SLC39A11: variants seen among roughly 807,000 people sequenced by gnomAD.
SLC39A11 encodes solute carrier family 39 member 11.
A neutral mutation model predicts 36.1 loss-of-function variants in SLC39A11; 33 were observed. The ratio of observed to expected loss-of-function variants is 0.91; its 90% CI spans 0.69 to 1.22. The LOEUF is 1.22. SLC39A11 is among the 50% of genes most tolerant of loss of function. SLC39A11 has a pLI of 0.00. For missense variants in SLC39A11, 432 were observed against 430.3 expected (o/e 1.00, Z -0.03); for synonymous variants, 166 against 170.3 (o/e 0.97, Z 0.20).
intron 5 of SLC39A11, among the ~76,000 whole-genome samples, chr17:72,890,284 C>CA (rs11335169): frequency 0.043 from 6,055 of 140,904 alleles, 170 homozygotes; most frequent in Non-Finnish European, 0.063. Context: ...ACAACAACAA[C>CA]AAAAAAAAAA....
At chr17:72,696,200 G>A (rs1416538735) in intron 7 of SLC39A11, among the ~76,000 whole-genome samples, 3 of 152,096 alleles carry the variant, frequency 2.0e-5, no homozygotes, top group Admixed American at 1.3e-4. Flanking sequence ...GAAGGCAGGA[G>A]TTGGCATTTC....
At chr17:72,911,622 CT>C (rs1421134180) in intron 5 of SLC39A11, among the ~76,000 whole-genome samples, 1 of 152,036 alleles carries the variant, frequency 6.6e-6, no homozygotes, top group East Asian at 1.9e-4. Flanking sequence ...GATTCTGATT[CT>C]TCTGTGAAGA....
chr17:72,842,809 G>C (rs1448371098), intron 6 of SLC39A11, among the ~76,000 whole-genome samples: 4 of 152,174 alleles, frequency 2.6e-5, no homozygotes, highest in Non-Finnish European at 4.4e-5. Context: ...TCTGCACTCT[G>C]TTTCTGGAGT....
chr17:72,815,381 A>C (rs970253012), intron 6 of SLC39A11, among the ~76,000 whole-genome samples: 1 of 152,232 alleles, frequency 6.6e-6, no homozygotes, highest in Non-Finnish European at 1.5e-5. Context: ...GCACTTTGGG[A>C]GGCCAAGGCA....
intron 4 of SLC39A11, among the ~76,000 whole-genome samples, chr17:73,009,374 G>T (rs199830558): frequency 2.6e-5 from 3 of 114,404 alleles, no homozygotes; most frequent in African/African-American, 9.6e-5. Flanking sequence ...AAAAAAAAAA[G>T]AAAAGCAATG....
At chr17:72,934,642 G>A (rs2084633064) in intron 5 of SLC39A11, among the ~76,000 whole-genome samples, 1 of 151,844 alleles carries the variant, frequency 6.6e-6, no homozygotes, top group African/African-American at 2.4e-5. Context: ...CTCCAGCCTG[G>A]GCAACAGAGC....
chr17:72,715,462 G>A (rs959730273), intron 7 of SLC39A11, among the ~76,000 whole-genome samples: 1 of 152,152 alleles, frequency 6.6e-6, no homozygotes, highest in African/African-American at 2.4e-5. Context: ...ATATTGTTCA[G>A]CCTTCAAAGG....
At chr17:72,653,439 T>C (rs1308598827) in intron 7 of SLC39A11, among the ~76,000 whole-genome samples, 1 of 101,614 alleles carries the variant, frequency 9.8e-6, no homozygotes. Context: ...TTCTTTTCTT[T>C]TCTTTTTTTT....
At chr17:72,844,777 A>G (rs2078977916) in intron 6 of SLC39A11, among the ~76,000 whole-genome samples, 4 of 152,218 alleles carry the variant, frequency 2.6e-5, no homozygotes. Context: ...CCAGCTGTCT[A>G]GTCAGTATCT....
At chr17:72,918,891 C>T (rs1481749695) in intron 5 of SLC39A11, among the ~76,000 whole-genome samples, 1 of 151,906 alleles carries the variant, frequency 6.6e-6, no homozygotes, top group Non-Finnish European at 1.5e-5. Flanking sequence ...GGTGAAACCC[C>T]ATCTCTACTA....
chr17:72,773,952 T>C (rs2466505), intron 6 of SLC39A11, among the ~76,000 whole-genome samples: 4 of 152,140 alleles, frequency 2.6e-5, no homozygotes, highest in African/African-American at 9.7e-5. Context: ...GAAGCATCTA[T>C]GTTTCCTCTT....
intron 5 of SLC39A11, among the ~76,000 whole-genome samples, chr17:72,899,786 A>T (rs1048391974): frequency 3.3e-5 from 5 of 152,048 alleles, no homozygotes; most frequent in Non-Finnish European, 5.9e-5. Context: ...AAATGGCGAA[A>T]CCCCGTCTCT....
At chr17:72,684,898 G>A (rs1433102793) in intron 7 of SLC39A11, among the ~76,000 whole-genome samples, 1 of 152,170 alleles carries the variant, frequency 6.6e-6, no homozygotes, top group African/African-American at 2.4e-5. Flanking sequence ...GTTTGTCTCA[G>A]GCCCCCCGGG....
At chr17:72,955,189 G>A (rs966655110) in intron 4 of SLC39A11, among the ~76,000 whole-genome samples, 2 of 151,534 alleles carry the variant, frequency 1.3e-5, no homozygotes, top group Admixed American at 6.6e-5. Flanking sequence ...AGAAGCCTGA[G>A]CTCCTTCCTC....
chr17:73,046,850 G>A (rs2059310468), intron 3 of SLC39A11, among the ~76,000 whole-genome samples: 1 of 151,898 alleles, frequency 6.6e-6, no homozygotes, highest in African/African-American at 2.4e-5. Flanking sequence ...CTGAAGTGGG[G>A]GCATCGCTTG....
intron 5 of SLC39A11, among the ~76,000 whole-genome samples, chr17:72,902,950 A>G (rs1445302720): frequency 3.2e-5 from 3 of 94,974 alleles, no homozygotes; most frequent in Non-Finnish European, 6.0e-5. Context: ...AATTGTAGTT[A>G]GAAAAAAAAG....
intron 3 of SLC39A11, among the ~76,000 whole-genome samples, chr17:73,034,846 A>G (rs1241615332): frequency 6.6e-6 from 1 of 152,186 alleles, no homozygotes; most frequent in Non-Finnish European, 1.5e-5. Flanking sequence ...AAGCTATTCA[A>G]GGAGCAGGAG....
chr17:72,924,712 G>A (rs1190299063), intron 5 of SLC39A11, among the ~76,000 whole-genome samples: 1 of 152,136 alleles, frequency 6.6e-6, no homozygotes, highest in Non-Finnish European at 1.5e-5. Flanking sequence ...GAAGTCAAAA[G>A]TCAGAGAGAG....
chr17:72,655,855 G>C (rs184948521), intron 7 of SLC39A11, among the ~76,000 whole-genome samples: 1 of 152,196 alleles, frequency 6.6e-6, no homozygotes, highest in Non-Finnish European at 1.5e-5. Flanking sequence ...TCAGTGGTAG[G>C]GGGTGAGCCG....
Sources: gnomAD v4.1 joint callset for allele counts (sites outside exome capture counted in the v4.1 genomes callset) on GRCh38, gnomAD v4.1.1 for gene constraint, MANE v1.5 for transcripts, NCBI Gene and HGNC (gene_info 2026-07-23, HGNC 2026-07-21) for gene names.